Variants in EDA observed in about 807,000 individuals in gnomAD.
The protein encoded by EDA is ectodysplasin A.
A neutral mutation model predicts 23.6 loss-of-function variants in EDA; 2 were observed. The observed-to-expected ratio is 0.08, with a 90% CI of 0.03 to 0.27. The LOEUF (loss-of-function observed/expected upper bound fraction) is 0.27, where lower values mean the gene tolerates loss of function less well. Among genes scored for constraint, EDA ranks in the 10% least tolerant of loss-of-function variants. The pLI is 1.00. For synonymous variants in EDA, 131 were observed against 132.0 expected (o/e 0.99, Z 0.05); for missense variants, 229 against 324.2 (o/e 0.71, Z 2.26).
rs200847087 is a variant in EDA, at chrX:69,903,596, AAC to A, written c.397-53409_397-53408del. The stretch of plus-strand genomic sequence containing the variant: ...CCCCCTCCGCACACACACACACATA[AAC>A]ACACACACACACACACACACATATC... On this transcript the variant is annotated intron_variant, in intron 1 of 7. Transcript: ENST00000374552. Among the ~76,000 whole-genome samples the A allele has an allele frequency of 1.3e-3, 132 of 101,982 alleles. No individual in the cohort carries two copies. The South Asian group carries it at 0.024, about 18-fold the overall frequency. The allele number at this position is 101,982 out of a possible 115,157, so 88.6% of individuals were successfully genotyped here.
intron 1 of EDA, among the ~76,000 whole-genome samples, chrX:69,806,861 TAGAA>T (rs2015827333): frequency 9.1e-6 from 1 of 110,290 alleles, no homozygotes; most frequent in South Asian, 3.9e-4. Context: ...AGCTGGAACA[TAGAA>T]AGAAATAGGG....
intron 1 of EDA, chrX:69,692,873 G>A (rs777840517): frequency 8.9e-6 from 1 of 111,775 alleles, no homozygotes; most frequent in Admixed American, 9.5e-5. Flanking sequence ...CCTTTATAAT[G>A]CTACTACATT....
intron 2 of EDA, among the ~76,000 whole-genome samples, chrX:69,988,435 G>A (rs186757660): frequency 1.8e-5 from 2 of 112,537 alleles, no homozygotes; most frequent in Admixed American, 9.4e-5. Flanking sequence ...AAATGCCTGA[G>A]GGGATGGATA....
chrX:69,778,512 C>G (rs2014851327), intron 1 of EDA, among the ~76,000 whole-genome samples: 1 of 111,681 alleles, frequency 9.0e-6, no homozygotes, highest in African/African-American at 3.2e-5. Flanking sequence ...TTGGGTGCCC[C>G]TTCATTTTCC....
chrX:69,958,782 CT>C (rs937932666), intron 2 of EDA, among the ~76,000 whole-genome samples: 5 of 111,355 alleles, frequency 4.5e-5, no homozygotes, highest in Non-Finnish European at 7.5e-5. Flanking sequence ...AGCATGGACC[CT>C]TTCCTCTCCT....
At chrX:69,863,610 T>C (rs2017434085) in intron 1 of EDA, among the ~76,000 whole-genome samples, 1 of 81,781 alleles carries the variant, frequency 1.2e-5, no homozygotes, top group Non-Finnish European at 2.4e-5. Flanking sequence ...TATATATGTG[T>C]GTATATATGT....
At chrX:69,787,220 AC>A (rs1467439716) in intron 1 of EDA, among the ~76,000 whole-genome samples, 2 of 100,224 alleles carry the variant, frequency 2.0e-5, no homozygotes, top group Non-Finnish European at 4.1e-5. Flanking sequence ...AATACAGCAA[AC>A]TGATGGGTCT....
chrX:69,624,751 A>G (rs1049647497), intron 1 of EDA, among the ~76,000 whole-genome samples: 1 of 102,207 alleles, frequency 9.8e-6, no homozygotes, highest in Non-Finnish European at 2.0e-5. Context: ...CTTAATTCCA[A>G]TTTTTGTTCT....
rs183521173 is a variant in EDA at position 69,931,339 on chromosome X, A to G, written c.397-25688A>G. Among the ~76,000 whole-genome samples, 11 of 111,936 alleles carry G rather than the reference A, an allele frequency of 9.8e-5. No homozygotes were observed. In the East Asian group the frequency reaches 2.8e-3, roughly 29 times the overall value. On this transcript the variant is annotated intron_variant, in intron 1 of 7. Coordinates refer to ENST00000374552, the MANE Select transcript of EDA (RefSeq NM_001399.5). ...GAACTGTTATCAAGAATATATAATG[A>G]TCTTTTAAAAAATCAATAATAAAAA...
At chrX:69,679,871 T>C (rs1445402082) in intron 1 of EDA, among the ~76,000 whole-genome samples, 1 of 107,720 alleles carries the variant, frequency 9.3e-6, no homozygotes, top group Non-Finnish European at 1.9e-5. Flanking sequence ...AGCTTTTGAA[T>C]GTGTTTGCTC....
intron 1 of EDA, among the ~76,000 whole-genome samples, chrX:69,907,147 T>C (rs1943075086): frequency 8.9e-6 from 1 of 112,123 alleles, no homozygotes; most frequent in African/African-American, 3.2e-5. Context: ...CAAAAGCATA[T>C]TTCAGAAATT....
intron 1 of EDA, among the ~76,000 whole-genome samples, chrX:69,741,109 T>C (rs1178334708): frequency 9.1e-6 from 1 of 110,371 alleles, no homozygotes; most frequent in Non-Finnish European, 1.9e-5. Flanking sequence ...TTTACTTCTT[T>C]AGCCATGGTT....
chrX:69,802,820 G>A (rs745896426), intron 1 of EDA, among the ~76,000 whole-genome samples: 89 of 111,802 alleles, frequency 8.0e-4, no homozygotes, highest in African/African-American at 2.5e-3. Context: ...AGAAAAATAC[G>A]CATAAAGGCC....
intron 1 of EDA, among the ~76,000 whole-genome samples, chrX:69,952,307 C>T (rs1031574341): frequency 8.9e-6 from 1 of 112,052 alleles, no homozygotes; most frequent in Non-Finnish European, 1.9e-5. Flanking sequence ...TACAGTTCTC[C>T]GTGGCTGGGG....
intron 1 of EDA, among the ~76,000 whole-genome samples, chrX:69,901,725 T>C (rs373274216): frequency 9.0e-6 from 1 of 111,338 alleles, no homozygotes; most frequent in African/African-American, 3.3e-5. Context: ...GGTTATGTGA[T>C]TGCTTAAGGT....
intron 1 of EDA, among the ~76,000 whole-genome samples, chrX:69,679,799 G>GT (rs1234416716): frequency 9.1e-6 from 1 of 110,220 alleles, no homozygotes; most frequent in Non-Finnish European, 1.9e-5. Flanking sequence ...TTTTTGAAGG[G>GT]TTTTTTGTGT....
intron 1 of EDA, among the ~76,000 whole-genome samples, chrX:69,932,136 T>TA (rs757422398): frequency 3.3e-4 from 37 of 111,604 alleles, no homozygotes; most frequent in Middle Eastern, 4.6e-3. Context: ...AAATGAAAAC[T>TA]GATCTATAGT....
intron 1 of EDA, among the ~76,000 whole-genome samples, chrX:69,827,941 C>G (rs1483324854): frequency 9.0e-6 from 1 of 111,089 alleles, no homozygotes; most frequent in Non-Finnish European, 1.9e-5. Flanking sequence ...AGCTGCAGGT[C>G]TGTTGGAGTT....
At chrX:69,719,715 TACACACACAC>T (rs35200750) in intron 1 of EDA, among the ~76,000 whole-genome samples, 1 of 102,665 alleles carries the variant, frequency 9.7e-6, no homozygotes, top group Admixed American at 1.1e-4. Context: ...TATTCCGTTA[TACACACACAC>T]ACACACACAC....
Sources: gnomAD v4.1 joint callset for allele counts (sites outside exome capture counted in the v4.1 genomes callset) on GRCh38, gnomAD v4.1.1 for gene constraint, MANE v1.5 for transcripts, NCBI Gene and HGNC (gene_info 2026-07-23, HGNC 2026-07-21) for gene names.